PCDHA13: variants seen among roughly 807,000 people sequenced by gnomAD.
PCDHA13 encodes the protein protocadherin alpha 13.
In PCDHA13, 54 loss-of-function variants were observed where a neutral mutation model predicts 64.8. The ratio of observed to expected loss-of-function variants is 0.83; its 90% CI spans 0.67 to 1.04. PCDHA13 has a LOEUF of 1.04. Ranked by LOEUF, PCDHA13 falls within the 50% of genes least tolerant of loss-of-function variation. The probability of loss-of-function intolerance (pLI) is 0.00; values close to 1 mark genes in which losing one functional copy is unlikely to be tolerated. For synonymous variants in PCDHA13, 587 were observed against 564.4 expected (o/e 1.04, Z -0.57); for missense variants, 1,248 against 1,254.3 (o/e 0.99, Z 0.08).
At chr5:140,938,631 T>C (rs1554212262) in intron 1 of PCDHA13, among the ~76,000 whole-genome samples, 1 of 152,208 alleles carries the variant, frequency 6.6e-6, no homozygotes. Context: ...AGGTTGCTTA[T>C]GATGTATAAT....
chr5:140,987,579 G>A (rs1587244490), intron 3 of PCDHA13, among the ~76,000 whole-genome samples: 1 of 152,280 alleles, frequency 6.6e-6, no homozygotes, highest in East Asian at 1.9e-4. Flanking sequence ...TCTATAAAAT[G>A]GGGAGAATAG....
intron 1 of PCDHA13, among the ~76,000 whole-genome samples, chr5:140,934,604 G>C (rs1389000917): frequency 6.6e-6 from 1 of 151,762 alleles, no homozygotes; most frequent in Non-Finnish European, 1.5e-5. Context: ...TCAACTATTT[G>C]ATTAGCCTGA....
chr5:140,884,285 G>A lies in PCDHA13; in HGVS notation c.2017G>A (p.Gly673Ser). Residue 673 changes from glycine to serine, a missense_variant, in exon 1 of 4, where the codon GGC (glycine) becomes AGC (serine). By Grantham distance (56) the Gly-to-Ser change is moderately conservative. Coordinates refer to ENST00000289272, the MANE Select transcript of PCDHA13 (RefSeq NM_018904.3). ...GGTGCTGTTGTCGCTGGTGGAGAGCGGCCAAGCGCCACAGGCTTCGTCGAG... is the reference window on the plus strand; with the variant it reads ...GGTGCTGTTGTCGCTGGTGGAGAGCAGCCAAGCGCCACAGGCTTCGTCGAG... ...ATVLLSLVES[G>S]QAPQASSRAS... 1 of 1,613,598 alleles carries A rather than the reference G, an allele frequency of 6.2e-7. No homozygotes were observed.
intron 1 of PCDHA13, among the ~76,000 whole-genome samples, chr5:140,946,691 G>A (rs782114019): frequency 3.4e-5 from 5 of 147,578 alleles, no homozygotes; most frequent in African/African-American, 5.1e-5. Context: ...TGACAATATG[G>A]ATGAATCTGG....
At chr5:140,984,013 A>G (rs1258063909) in intron 3 of PCDHA13, among the ~76,000 whole-genome samples, 1 of 152,234 alleles carries the variant, frequency 6.6e-6, no homozygotes, top group Non-Finnish European at 1.5e-5. Context: ...TAATATTGCC[A>G]GATTGCAAGG....
At chr5:140,932,287 T>C (rs1259585245) in intron 1 of PCDHA13, among the ~76,000 whole-genome samples, 2 of 151,896 alleles carry the variant, frequency 1.3e-5, no homozygotes, top group Admixed American at 6.6e-5. Context: ...AAAAACTGCA[T>C]TGACAATTTT....
chr5:140,893,781 G>C (rs113070458), intron 1 of PCDHA13, among the ~76,000 whole-genome samples: 1 of 151,996 alleles, frequency 6.6e-6, no homozygotes, highest in Non-Finnish European at 1.5e-5. Context: ...TTCTTTTACC[G>C]TTTTTAGAAT....
At chr5:140,956,085 A>T (rs1338013265) in intron 1 of PCDHA13, among the ~76,000 whole-genome samples, 1 of 152,214 alleles carries the variant, frequency 6.6e-6, no homozygotes, top group Admixed American at 6.5e-5. Context: ...GGATCATGTC[A>T]TCTGCAAACA....
intron 1 of PCDHA13, chr5:140,969,215 C>A (rs782320507): frequency 6.2e-7 from 1 of 1,614,010 alleles, no homozygotes; most frequent in Admixed American, 1.7e-5. Context: ...CCAGACAGGA[C>A]CAGGGCCTTC....
chr5:140,959,061 A>G (rs1434123552), intron 1 of PCDHA13, among the ~76,000 whole-genome samples: 2 of 152,126 alleles, frequency 1.3e-5, no homozygotes, highest in Non-Finnish European at 2.9e-5. Flanking sequence ...AATGCAGTAT[A>G]TATAGAATTC....
At chr5:140,890,507 C>G (rs2153430728) in intron 1 of PCDHA13, among the ~76,000 whole-genome samples, 1 of 152,146 alleles carries the variant, frequency 6.6e-6, no homozygotes, top group African/African-American at 2.4e-5. Context: ...TTTTATGTCT[C>G]TATTTCCTTC....
intron 1 of PCDHA13, among the ~76,000 whole-genome samples, chr5:140,917,650 T>G (rs897307157): frequency 1.5e-4 from 23 of 152,226 alleles, no homozygotes; most frequent in African/African-American, 5.5e-4. Context: ...CCAGCAATAT[T>G]GAGTAGGAAG....
At chr5:140,919,925 G>A (rs2079351459) in intron 1 of PCDHA13, among the ~76,000 whole-genome samples, 1 of 152,124 alleles carries the variant, frequency 6.6e-6, no homozygotes, top group African/African-American at 2.4e-5. Flanking sequence ...AAATTTTCAG[G>A]TGGGGGCTAA....
intron 1 of PCDHA13, among the ~76,000 whole-genome samples, chr5:140,917,330 A>AGGGGGGGGGGG (rs1425400137): frequency 9.7e-6 from 1 of 103,190 alleles, no homozygotes. Flanking sequence ...GTGGCGGGGG[A>AGGGGGGGGGGG]GGGGGGGGAT....
intron 1 of PCDHA13, among the ~76,000 whole-genome samples, chr5:140,887,318 G>A (rs1485206878): frequency 6.6e-6 from 1 of 152,010 alleles, no homozygotes; most frequent in Non-Finnish European, 1.5e-5. Context: ...GGATAGTCTC[G>A]AACTCCTGAC....
intron 1 of PCDHA13, among the ~76,000 whole-genome samples, chr5:140,890,162 A>G (rs1433054233): frequency 6.6e-6 from 1 of 152,184 alleles, no homozygotes; most frequent in Non-Finnish European, 1.5e-5. Context: ...TATTTCTGCC[A>G]CAGAAATAGG....
At chr5:140,922,993 T>A (rs2081107625) in intron 1 of PCDHA13, among the ~76,000 whole-genome samples, 1 of 152,054 alleles carries the variant, frequency 6.6e-6, no homozygotes, top group Non-Finnish European at 1.5e-5. Context: ...AGGCAAGCCA[T>A]GAGAATGGTT....
intron 1 of PCDHA13, among the ~76,000 whole-genome samples, chr5:140,905,993 TG>T (rs1314051308): frequency 6.6e-6 from 1 of 152,176 alleles, no homozygotes; most frequent in African/African-American, 2.4e-5. Flanking sequence ...AGATGTAGGC[TG>T]GGAGGCTAAG....
intron 1 of PCDHA13, among the ~76,000 whole-genome samples, chr5:140,886,636 G>A (rs555391002): frequency 2.6e-5 from 4 of 151,866 alleles, no homozygotes; most frequent in Non-Finnish European, 4.4e-5. Flanking sequence ...GACCAGCCTG[G>A]CCAACATGGT....
Sources: gnomAD v4.1 joint callset for allele counts (sites outside exome capture counted in the v4.1 genomes callset) on GRCh38, gnomAD v4.1.1 for gene constraint, MANE v1.5 for transcripts, NCBI Gene and HGNC (gene_info 2026-07-23, HGNC 2026-07-21) for gene names.